Variants in CHSY3 observed in about 807,000 individuals in gnomAD.
The protein encoded by CHSY3 is N-acetylgalactosaminyl-proteoglycan 3-beta-glucuronosyltransferase 3.
In CHSY3, 35 loss-of-function variants were observed where a neutral mutation model predicts 67.2. The observed-to-expected ratio is 0.52, with a 90% CI of 0.40 to 0.69. The LOEUF is 0.69. Among genes scored for constraint, CHSY3 ranks in the 30% least tolerant of loss-of-function variants. The probability of loss-of-function intolerance (pLI) is 0.00; values close to 1 mark genes in which losing one functional copy is unlikely to be tolerated. For missense variants in CHSY3, 1,069 were observed against 1,138.5 expected (o/e 0.94, Z 0.88); for synonymous variants, 474 against 434.7 (o/e 1.09, Z -1.12).
intron 2 of CHSY3, among the ~76,000 whole-genome samples, chr5:130,178,245 A>ATT: frequency 1.4e-5 from 1 of 70,608 alleles, no homozygotes; most frequent in African/African-American, 6.2e-5. Context: ...ATATATATAT[A>ATT]TATATATATT....
chr5:130,088,872 G>A (rs1326412208), intron 2 of CHSY3, among the ~76,000 whole-genome samples: 12 of 152,064 alleles, frequency 7.9e-5, no homozygotes, highest in Admixed American at 6.6e-4. Context: ...CCATTACTGG[G>A]TATATACCCA....
At chr5:130,045,634 G>A (rs1197363602) in intron 2 of CHSY3, among the ~76,000 whole-genome samples, 2 of 152,088 alleles carry the variant, frequency 1.3e-5, no homozygotes, top group Non-Finnish European at 2.9e-5. Flanking sequence ...TGTAGATTTG[G>A]TGCTCTCTAT....
At chr5:130,175,087 A>G (rs948701261) in intron 2 of CHSY3, among the ~76,000 whole-genome samples, 1 of 152,162 alleles carries the variant, frequency 6.6e-6, no homozygotes, top group African/African-American at 2.4e-5. Context: ...TTGGGTGCAT[A>G]TATATTTTGG....
Position 129,908,330 on chromosome 5 carries a change from T to C in CHSY3, c.1056T>C (p.Phe352=). 1.2e-6 allele frequency: 2 copies of C among 1,614,014 alleles called. No individual in the cohort carries two copies. The highest frequency in any genetic ancestry group is 2.2e-5 in the South Asian group (2 of 91,074). The change falls in exon 2 of 3, where the codon TTT becomes TTC. Residue 352 remains phenylalanine, a synonymous_variant. Transcript: ENST00000305031. ...DVEVGRCVRR[F]GGTQCVWSYE... ...AAGTAGGAAGATGCGTTCGCCGTTT[T>C]GGTGGGACTCAGTGTGTCTGGTCTT...
intron 2 of CHSY3, among the ~76,000 whole-genome samples, chr5:129,952,362 C>T (rs1255299681): frequency 6.6e-6 from 1 of 152,130 alleles, no homozygotes; most frequent in Non-Finnish European, 1.5e-5. Flanking sequence ...CTATTAAAAT[C>T]TGAAGGTCAA....
intron 2 of CHSY3, among the ~76,000 whole-genome samples, chr5:130,038,538 C>T (rs1177243383): frequency 6.6e-6 from 1 of 151,878 alleles, no homozygotes; most frequent in Non-Finnish European, 1.5e-5. Context: ...GTGTAGATTC[C>T]TACCCTGCAC....
intron 2 of CHSY3, among the ~76,000 whole-genome samples, chr5:129,919,153 TA>T (rs1453566369): frequency 2.0e-5 from 3 of 149,734 alleles, no homozygotes; most frequent in Admixed American, 6.7e-5. Flanking sequence ...TCTGCTAATA[TA>T]TTTTTTTAGA....
intron 2 of CHSY3, among the ~76,000 whole-genome samples, chr5:129,984,273 A>G (rs1399495000): frequency 1.3e-5 from 2 of 152,162 alleles, no homozygotes; most frequent in Non-Finnish European, 2.9e-5. Context: ...TAGTTAAAAC[A>G]TGTGGTACTT....
intron 2 of CHSY3, among the ~76,000 whole-genome samples, chr5:130,143,756 A>ATATG (rs1433405052): frequency 2.5e-4 from 25 of 101,916 alleles, no homozygotes; most frequent in South Asian, 4.0e-4. Context: ...ATATATATAT[A>ATATG]TGTGTGTGTG....
chr5:129,966,872 T>A (rs927828705), intron 2 of CHSY3, among the ~76,000 whole-genome samples: 1 of 151,864 alleles, frequency 6.6e-6, no homozygotes, highest in African/African-American at 2.4e-5. Context: ...TCTTTCTTGA[T>A]GATCAAGTTG....
chr5:129,921,074 C>T (rs1274491279), intron 2 of CHSY3, among the ~76,000 whole-genome samples: 1 of 152,196 alleles, frequency 6.6e-6, no homozygotes, highest in Non-Finnish European at 1.5e-5. Context: ...CCTGCATTGG[C>T]TTCCCAAAGT....
intron 2 of CHSY3, among the ~76,000 whole-genome samples, chr5:130,066,906 G>A (rs1265927286): frequency 6.6e-6 from 1 of 152,094 alleles, no homozygotes; most frequent in Non-Finnish European, 1.5e-5. Context: ...TCATGCCTGG[G>A]CTACTGCCAG....
intron 2 of CHSY3, among the ~76,000 whole-genome samples, chr5:130,007,716 T>C (rs780042119): frequency 6.6e-6 from 1 of 152,096 alleles, no homozygotes; most frequent in Non-Finnish European, 1.5e-5. Flanking sequence ...CAGTGGAGTA[T>C]TGCCAGTTAC....
Position 129,941,659 on chromosome 5 carries a change from A to T in CHSY3, c.1086+33299A>T, listed in dbSNP as rs188208991. On this transcript the variant is annotated intron_variant, in intron 2 of 2. Transcript: ENST00000305031. ...CTTTCTCAAACCATGTTTTTCCTCT[A>T]ATCTCATACTACCGCAACAGTCAAC... 1.3e-4 allele frequency among the ~76,000 whole-genome samples: 20 copies of T among 152,320 alleles called. No individual in the cohort carries two copies. The East Asian group carries it at 3.9e-3, about 29-fold the overall frequency.
chr5:129,911,122 G>A (rs553998106), intron 2 of CHSY3, among the ~76,000 whole-genome samples: 8 of 151,564 alleles, frequency 5.3e-5, no homozygotes, highest in African/African-American at 1.7e-4. Context: ...AATGGTGAAC[G>A]TGCTTACAGA....
At chr5:130,040,699 A>G (rs906946895) in intron 2 of CHSY3, among the ~76,000 whole-genome samples, 1 of 152,142 alleles carries the variant, frequency 6.6e-6, no homozygotes, top group African/African-American at 2.4e-5. Context: ...GCAAATTGTT[A>G]GGTTTCAGAG....
chr5:129,954,846 T>G (rs897336159), intron 2 of CHSY3, among the ~76,000 whole-genome samples: 14 of 152,262 alleles, frequency 9.2e-5, no homozygotes, highest in Admixed American at 5.9e-4. Context: ...GAGACTTTGC[T>G]GAAGTTGCCT....
intron 2 of CHSY3, among the ~76,000 whole-genome samples, chr5:130,002,722 T>G (rs375691011): frequency 2.6e-5 from 4 of 152,330 alleles, no homozygotes; most frequent in African/African-American, 9.6e-5. Context: ...ATAGTAAACA[T>G]TTTATCATAT....
intron 2 of CHSY3, among the ~76,000 whole-genome samples, chr5:130,134,165 T>G (rs906116209): frequency 6.6e-6 from 1 of 152,216 alleles, no homozygotes; most frequent in African/African-American, 2.4e-5. Context: ...AGATTTGGAT[T>G]CAAACCCAGG....
Sources: allele counts gnomAD v4.1 joint callset (sites outside exome capture counted in the v4.1 genomes callset), GRCh38; gene constraint gnomAD v4.1.1; transcripts MANE v1.5; gene names NCBI Gene and HGNC (gene_info 2026-07-23, HGNC 2026-07-21).